Variants in STX3 observed in about 807,000 individuals in gnomAD.
The protein encoded by STX3 is syntaxin-3.
STX3 carries 19 observed loss-of-function variants against 40.2 expected under a neutral mutation model. The observed-to-expected ratio is 0.47, with a 90% CI of 0.33 to 0.69. The LOEUF is 0.69. Ranked by LOEUF, STX3 falls within the 30% of genes least tolerant of loss-of-function variation. The pLI is 0.02. For synonymous variants in STX3, 122 were observed against 132.2 expected (o/e 0.92, Z 0.53); for missense variants, 364 against 366.7 (o/e 0.99, Z 0.06).
chr11:59,802,193 T>C lies in STX3; in HGVS notation c.*1369T>C. On this transcript the variant is annotated 3_prime_UTR_variant, in exon 11 of 11. Transcript: ENST00000337979. Reference sequence around the variant, plus strand: ...GTAGCTCTTCCTGCTACTCGGTTAATGAGCTTGGCAGGTTCTTTGTCTCAC... The same window carrying C: ...GTAGCTCTTCCTGCTACTCGGTTAACGAGCTTGGCAGGTTCTTTGTCTCAC... 1.0e-6 allele frequency: 1 copy of C among 985,444 alleles called. No individual in the cohort carries two copies. The highest frequency in any genetic ancestry group is 1.2e-6 in the Non-Finnish European group (1 of 829,930). The allele number at this position is 985,444 out of a possible 1,614,324, so 61.0% of individuals were successfully genotyped here. A position where few individuals can be genotyped will look rare whatever the true frequency, so the allele number is the denominator to read the frequency against.
intron 10 of STX3, chr11:59,800,495 C>A: frequency 1.0e-6 from 1 of 985,260 alleles, no homozygotes; most frequent in Non-Finnish European, 1.2e-6. Flanking sequence ...TCATGAAGAT[C>A]GAGAACCAGA....
intron 5 of STX3, 114 bp downstream of exon 5, chr11:59,790,700 G>C: frequency 1.3e-6 from 1 of 786,322 alleles, no homozygotes. Context: ...TCAATTTGAA[G>C]ACCTGGTAAA....
At chr11:59,757,306 C>T (rs1275115882) in intron 1 of STX3, among the ~76,000 whole-genome samples, 3 of 152,112 alleles carry the variant, frequency 2.0e-5, no homozygotes, top group Admixed American at 1.3e-4. Context: ...TTGAAGATCT[C>T]TCTGTGTCGG....
Position 59,793,378 on chromosome 11 carries a change from A to T in STX3, c.541-2A>T, listed in dbSNP as rs1411888997. The T allele has an allele frequency of 6.2e-7, 1 of 1,613,424 alleles. No individual in the cohort carries two copies. The highest frequency in any genetic ancestry group is 8.5e-7 in the Non-Finnish European group (1 of 1,179,654). ...TAACAGTCTGTGTGTGGCCTGTTGT[A>T]GATCATTGACTCACAGATTTCCAAG... On this transcript the variant is annotated splice_acceptor_variant, in intron 7 of 10. Coordinates refer to ENST00000337979, the MANE Select transcript of STX3 (RefSeq NM_004177.5). LOFTEE classifies it high-confidence loss of function.
rs1055461243 is a variant in STX3, at chr11:59,802,535, C to G, written c.*1711C>G. ...TCAGACAGTGGATGGGCTCCAGCAA[C>G]AAGAGACAAAATAACTAAAGGCCTT... On this transcript the variant is annotated 3_prime_UTR_variant, in exon 11 of 11. Coordinates refer to ENST00000337979, the MANE Select transcript of STX3 (RefSeq NM_004177.5). 4.1e-6 allele frequency: 4 copies of G among 985,674 alleles called. No individual in the cohort carries two copies. The African/African-American group carries it at 7.0e-5, about 17-fold the overall frequency. The allele number at this position is 985,674 out of a possible 1,614,324, so 61.1% of individuals were successfully genotyped here. A position where few individuals can be genotyped will look rare whatever the true frequency, so the allele number is the denominator to read the frequency against.
chr11:59,761,658 A>T (rs1270930254), intron 1 of STX3, among the ~76,000 whole-genome samples: 1 of 152,056 alleles, frequency 6.6e-6, no homozygotes, highest in Non-Finnish European at 1.5e-5. Flanking sequence ...CTCTCAGGGT[A>T]GCCTGCTTTT....
chr11:59,756,426 T>C (rs140895244), intron 1 of STX3, among the ~76,000 whole-genome samples: 102 of 152,310 alleles, frequency 6.7e-4, no homozygotes, highest in African/African-American at 2.4e-3. Flanking sequence ...ATTCAGTACA[T>C]AATTATTGAG....
At chr11:59,762,045 C>CCA (rs2134867702) in intron 1 of STX3, among the ~76,000 whole-genome samples, 2 of 152,298 alleles carry the variant, frequency 1.3e-5, no homozygotes, top group African/African-American at 4.8e-5. Flanking sequence ...CCACTAATGT[C>CCA]CTCTTTCTGT....
chr11:59,775,588 G>A lies in STX3; in HGVS notation c.114+2294G>A, dbSNP rs534765285. 7.9e-5 allele frequency among the ~76,000 whole-genome samples: 12 copies of A among 152,260 alleles called. No homozygotes were observed. The South Asian group carries it at 1.0e-3, about 13-fold the overall frequency. On this transcript the variant is annotated intron_variant, in intron 2 of 10. Coordinates refer to ENST00000337979, the MANE Select transcript of STX3 (RefSeq NM_004177.5). ...TTTGAGTCCACTTTTCAAGCATTTCGTAGCAGTGTAACCTTGGTCAGGTTG... is the reference window on the plus strand; with the variant it reads ...TTTGAGTCCACTTTTCAAGCATTTCATAGCAGTGTAACCTTGGTCAGGTTG...
At chr11:59,774,000 A>AAG (rs1863811870) in intron 2 of STX3, among the ~76,000 whole-genome samples, 7 of 134,678 alleles carry the variant, frequency 5.2e-5, no homozygotes, top group Non-Finnish European at 8.0e-5. Context: ...AAAAAAAAAA[A>AAG]TTATAGTCCC....
At chr11:59,780,365 A>G (rs1864285830) in intron 2 of STX3, among the ~76,000 whole-genome samples, 1 of 152,178 alleles carries the variant, frequency 6.6e-6, no homozygotes, top group South Asian at 2.1e-4. Flanking sequence ...TCTACAAGCC[A>G]GGAAGAGGGT....
rs527313145 is a variant in STX3, at chr11:59,763,685, G to T, written c.30+8050G>T. Among the ~76,000 whole-genome samples the T allele has an allele frequency of 5.9e-5, 9 of 152,284 alleles. No homozygotes were observed. The South Asian group carries it at 8.3e-4, about 14-fold the overall frequency. On this transcript the variant is annotated intron_variant, in intron 1 of 10. Coordinates refer to ENST00000337979, the MANE Select transcript of STX3 (RefSeq NM_004177.5). Reference sequence around the variant, plus strand: ...GAACGCCTTTCTAAATAACTCTTGGGCTAAAGATAAATCAAAGTAGAAATG... The same window carrying T: ...GAACGCCTTTCTAAATAACTCTTGGTCTAAAGATAAATCAAAGTAGAAATG...
In STX3 at chr11:59,800,992, T is replaced by C; in HGVS notation, c.*168T>C. On this transcript the variant is annotated 3_prime_UTR_variant, in exon 11 of 11. Transcript: ENST00000337979. ...CCCTTGGACCTGACTCAGCTAACAATCTAGCCCTGGGGGAATGTGATCTAC... is the reference window on the plus strand; with the variant it reads ...CCCTTGGACCTGACTCAGCTAACAACCTAGCCCTGGGGGAATGTGATCTAC... The C allele has an allele frequency of 6.5e-7, 1 of 1,530,610 alleles. No homozygotes were observed. Among genetic ancestry groups the C allele is most frequent in the Non-Finnish European group, 8.7e-7 (1 of 1,143,632 alleles). The allele number at this position is 1,530,610 out of a possible 1,614,324, so 94.8% of individuals were successfully genotyped here.
Position 59,788,886 on chromosome 11 carries a change from C to G in STX3, c.228C>G (p.Asp76Glu). The G allele has an allele frequency of 6.2e-7, 1 of 1,612,482 alleles. No individual in the cohort carries two copies. ...APIPEPKTKD[D>E]LEQLTTEIKK... ...TTATTTACCCAGAAACCAAGGATGA[C>G]CTAGAGCAGCTCACGACTGAGATTA... Residue 76 changes from aspartate to glutamate, a missense_variant, in exon 4 of 11, where the codon GAC (aspartate) becomes GAG (glutamate). Transcript: ENST00000337979.
At chr11:59,764,627 G>T (rs1366382132) in intron 1 of STX3, among the ~76,000 whole-genome samples, 2 of 152,272 alleles carry the variant, frequency 1.3e-5, no homozygotes, top group East Asian at 3.9e-4. Flanking sequence ...GCGAGAGCGT[G>T]TTCACTGAGC....
chr11:59,766,993 G>A (rs1040981203), intron 1 of STX3, among the ~76,000 whole-genome samples: 4 of 152,202 alleles, frequency 2.6e-5, no homozygotes, highest in Non-Finnish European at 5.9e-5. Flanking sequence ...ATGAGCTAAT[G>A]AAGAGAGGAA....
At chr11:59,790,361 G>A (rs1008919911) in intron 4 of STX3, among the ~76,000 whole-genome samples, 158 bp from the exon 5 acceptor site, 1 of 152,170 alleles carries the variant, frequency 6.6e-6, no homozygotes. Context: ...TGGAATGCAC[G>A]TCCTGTGGCT....
chr11:59,772,597 T>C (rs1863716205), intron 1 of STX3, among the ~76,000 whole-genome samples: 1 of 152,186 alleles, frequency 6.6e-6, no homozygotes, highest in Admixed American at 6.5e-5. Flanking sequence ...CTGGAACCTG[T>C]TTGAACAGCA....
intron 2 of STX3, among the ~76,000 whole-genome samples, chr11:59,779,130 G>A (rs150481558): frequency 2.0e-5 from 3 of 152,256 alleles, no homozygotes; most frequent in South Asian, 4.1e-4. Flanking sequence ...GAGGCACCAC[G>A]CTGGCCAAAA....
Sources: gnomAD v4.1 joint callset for allele counts (sites outside exome capture counted in the v4.1 genomes callset) on GRCh38, gnomAD v4.1.1 for gene constraint, MANE v1.5 for transcripts, NCBI Gene and HGNC (gene_info 2026-07-23, HGNC 2026-07-21) for gene names.